BRPF1: variants seen among roughly 807,000 people sequenced by gnomAD.
BRPF1 encodes peregrin.
In BRPF1, 15 loss-of-function variants were observed where a neutral mutation model predicts 115.0. The ratio of observed to expected loss-of-function variants is 0.13; its 90% CI spans 0.09 to 0.20. The LOEUF (loss-of-function observed/expected upper bound fraction) is 0.20. Among genes scored for constraint, BRPF1 ranks in the 10% least tolerant of loss-of-function variants. The probability of loss-of-function intolerance (pLI) is 1.00; values close to 1 mark genes in which losing one functional copy is unlikely to be tolerated. For synonymous variants in BRPF1, 647 were observed against 619.8 expected (o/e 1.04, Z -0.65); for missense variants, 1,118 against 1,638.3 (o/e 0.68, Z 5.48).
rs762064114 is a variant in BRPF1 at position 9,747,229 on chromosome 3, G to A, written c.3543G>A (p.Lys1181=). The change falls in exon 14 of 14, where the codon AAG becomes AAA. Residue 1181 remains lysine (K), a synonymous_variant. Transcript: ENST00000383829. The surrounding 1 kb of genome is among the most constrained non-coding windows in gnomAD (Gnocchi z 5.6). ...LGVNQDLDKE[K]MLEGRKSNIR... ...TGAACCAGGACCTAGACAAGGAGAA[G>A]ATGCTGGAGGGCCGCAAGTCCAACA... is the stretch of plus-strand genomic sequence containing the variant. The A allele has an allele frequency of 3.1e-6, 5 of 1,614,190 alleles. No individual in the cohort carries two copies. Among genetic ancestry groups the A allele is most frequent in the South Asian group, 2.2e-5 (2 of 91,084 alleles).
rs746386494 is a variant in BRPF1 at position 9,745,783 on chromosome 3, TC to T, written c.3206-27del. On this transcript the variant is annotated intron_variant, in intron 11 of 13. Coordinates refer to ENST00000383829, the MANE Select transcript of BRPF1 (RefSeq NM_001003694.2). The surrounding 1 kb of genome is among the most constrained non-coding windows in gnomAD (Gnocchi z 5.1). Reference sequence around the variant, plus strand: ...GTCTCGCCAGCCCCCCAGCTGCTGATCCACCCCCTCTCCCCCATTCCTGTGA... The same window carrying T: ...GTCTCGCCAGCCCCCCAGCTGCTGATCACCCCCTCTCCCCCATTCCTGTGA... 6.2e-7 allele frequency: 1 copy of T among 1,611,274 alleles called. No individual in the cohort carries two copies. Among genetic ancestry groups the T allele is most frequent in the Non-Finnish European group, 8.5e-7 (1 of 1,177,716 alleles).
chr3:9,734,510 G>A lies in BRPF1; in HGVS notation c.370G>A (p.Glu124Lys). ...DNLDVVSEDE[E>K]APEEAPENGS... Reference sequence around the variant, plus strand: ...CCTGGATGTGGTGTCAGAGGATGAGGAAGCCCCCGAGGAGGCCCCTGAGAA... The same window carrying A: ...CCTGGATGTGGTGTCAGAGGATGAGAAAGCCCCCGAGGAGGCCCCTGAGAA... The change falls in exon 2 of 14, where the codon GAA becomes AAA. Residue 124 changes from glutamate to lysine, a missense_variant. Glu to Lys is a moderately conservative substitution (Grantham distance 56). This residue lies in a region of BRPF1 where 280 missense variants were observed against 382.8 expected (regional missense o/e 0.73). Transcript: ENST00000383829. The surrounding 1 kb of genome is among the most constrained non-coding windows in gnomAD (Gnocchi z 5.7). 1 of 1,614,110 alleles carries A rather than the reference G, an allele frequency of 6.2e-7. No individual in the cohort carries two copies. The highest frequency in any genetic ancestry group is 8.5e-7 in the Non-Finnish European group (1 of 1,180,006).
In BRPF1 at chr3:9,742,985, T is replaced by C. The variant is rs753904009; in HGVS notation, c.2043T>C (p.Phe681=). ...ACCACATCAAAAAGCCCATGGACTT[T>C]TTCACCATGAAGCAGAACTTGGAGG... ...YLDHIKKPMD[F]FTMKQNLEAY... Residue 681 remains phenylalanine (F), a synonymous_variant, in exon 7 of 14, where the codon TTT becomes TTC. Transcript: ENST00000383829. 32 of 1,614,040 alleles carry C rather than the reference T, an allele frequency of 2.0e-5. No homozygotes were observed. In the East Asian group the frequency reaches 6.5e-4, roughly 33 times the overall value.
At chr3:9,746,805 T>C (rs140844559) in intron 13 of BRPF1, among the ~76,000 whole-genome samples, 5 of 152,298 alleles carry the variant, frequency 3.3e-5, no homozygotes, top group Non-Finnish European at 7.3e-5. Context: ...ATTCAGGCTC[T>C]GAATCCCTGT....
At position 9,734,546 on chromosome 3, in the gene BRPF1, A is replaced by G. The variant is rs769319058; in HGVS notation, c.406A>G (p.Lys136Glu). 4.3e-6 allele frequency: 7 copies of G among 1,614,028 alleles called. No individual in the cohort carries two copies. Among genetic ancestry groups the G allele is most frequent in the Non-Finnish European group, 5.1e-6 (6 of 1,180,038 alleles). Reference sequence around the variant, plus strand: ...GGAGGCCCCTGAGAATGGCAGCAACAAGGAGAACACTGAGACACCAGCTGC... The same window carrying G: ...GGAGGCCCCTGAGAATGGCAGCAACGAGGAGAACACTGAGACACCAGCTGC... The part of the protein sequence containing the change: ...PEEAPENGSN[K>E]ENTETPAATP... The change falls in exon 2 of 14, where the codon AAG (lysine) becomes GAG (glutamate). Residue 136 changes from lysine to glutamate, a missense_variant. Lys to Glu is a moderately conservative substitution (Grantham distance 56, BLOSUM62 1). Transcript: ENST00000383829. This position sits in a 1 kb window ranked among gnomAD's most constrained non-coding sequence, Gnocchi z 5.7.
Position 9,739,755 on chromosome 3 carries a change from A to G in BRPF1, c.1356A>G (p.Ser452=). Residue 452 remains serine, a synonymous_variant, in exon 3 of 14, where the codon TCA becomes TCG. Coordinates refer to ENST00000383829, the MANE Select transcript of BRPF1 (RefSeq NM_001003694.2). ...AYCDIHTPPG[S]ARRLPALSHS... ...GCGACATCCACACGCCTCCAGGTTC[A>G]GCACGCCGACTGCCTGCCCTGTCCC... 2.5e-6 allele frequency: 4 copies of G among 1,614,208 alleles called. No homozygotes were observed. The highest frequency in any genetic ancestry group is 3.4e-6 in the Non-Finnish European group (4 of 1,180,010).
intron 6 of BRPF1, 44 bp downstream of exon 6, chr3:9,742,215 C>G: frequency 6.2e-7 from 1 of 1,604,648 alleles, no homozygotes; most frequent in East Asian, 2.2e-5. Context: ...CTGTTCCTCT[C>G]CCAGTTGGAC....
In BRPF1 at chr3:9,745,206, T is replaced by C. The variant is rs556554838; in HGVS notation, c.3068+51T>C. 6.3e-7 allele frequency: 1 copy of C among 1,585,622 alleles called. No individual in the cohort carries two copies. Among genetic ancestry groups the C allele is most frequent in the African/African-American group, 1.4e-5 (1 of 73,566 alleles). On this transcript the variant is annotated intron_variant, in intron 10 of 13. Transcript: ENST00000383829. The surrounding 1 kb of genome is among the most constrained non-coding windows in gnomAD (Gnocchi z 5.1). ...ACCTCAGGGGATGCCCTTCCAGGGC[T>C]CTTGGGCCTGTGTAGGTTTCCCTGT...
chr3:9,741,652 A>G (rs957149922), intron 5 of BRPF1, among the ~76,000 whole-genome samples: 1 of 151,876 alleles, frequency 6.6e-6, no homozygotes, highest in African/African-American at 2.4e-5. Flanking sequence ...AAAAAAAAAA[A>G]AAAAGACCCA....
intron 3 of BRPF1, among the ~76,000 whole-genome samples, chr3:9,740,550 A>C (rs751157122): frequency 2.6e-5 from 4 of 152,150 alleles, no homozygotes; most frequent in Non-Finnish European, 4.4e-5. Flanking sequence ...TTGCTGGTGT[A>C]CAGGGTTAGG....
chr3:9,733,902 A>G (rs974118670), intron 1 of BRPF1, among the ~76,000 whole-genome samples: 1 of 152,164 alleles, frequency 6.6e-6, no homozygotes, highest in Admixed American at 6.5e-5. Flanking sequence ...ACATGATGTG[A>G]GATTGGGCTA....
chr3:9,744,041 G>T, intron 8 of BRPF1, 140 bp downstream of exon 8: 1 of 1,296,900 alleles, frequency 7.7e-7, no homozygotes, highest in South Asian at 1.5e-5. Flanking sequence ...CCAATCAGGG[G>T]CCTCTTAGCT....
At chr3:9,738,397 T>C (rs2076976186) in intron 2 of BRPF1, among the ~76,000 whole-genome samples, 1 of 152,232 alleles carries the variant, frequency 6.6e-6, no homozygotes, top group Admixed American at 6.5e-5. Context: ...CAGTAAACCT[T>C]AGCTATTATA....
At chr3:9,742,447 G>A (rs1054019860) in intron 6 of BRPF1, 2 of 985,452 alleles carry the variant, frequency 2.0e-6, no homozygotes, top group Non-Finnish European at 2.4e-6. Flanking sequence ...CTTTCGGGGT[G>A]CTGAACCCTA....
In BRPF1 at chr3:9,747,250, C is replaced by T. The variant is rs1345262225; in HGVS notation, c.3564C>T (p.Ser1188=). The T allele has an allele frequency of 1.2e-6, 2 of 1,614,066 alleles. No individual in the cohort carries two copies. The highest frequency in any genetic ancestry group is 1.1e-5 in the South Asian group (1 of 91,088). ...AGAAGATGCTGGAGGGCCGCAAGTC[C>T]AACATCCGCAAGTCAGTACAGATCG... is the stretch of plus-strand genomic sequence containing the variant. ...DKEKMLEGRK[S]NIRKSVQIAY... is the part of the protein sequence containing the mutation. Residue 1188 remains serine (S), a synonymous_variant, in exon 14 of 14, where the codon TCC becomes TCT. Transcript: ENST00000383829. This position sits in a 1 kb window ranked among gnomAD's most constrained non-coding sequence, Gnocchi z 5.6.
rs149982812 is a variant in BRPF1 at position 9,737,609 on chromosome 3, G to C, written c.600-1390G>C. Among the ~76,000 whole-genome samples the C allele has an allele frequency of 1.7e-3, 255 of 152,324 alleles. 1 individual carries two copies. Among genetic ancestry groups the C allele is most frequent in the Non-Finnish European group, 2.9e-3 (197 of 68,034 alleles). On this transcript the variant is annotated intron_variant, in intron 2 of 13. Coordinates refer to ENST00000383829, the MANE Select transcript of BRPF1 (RefSeq NM_001003694.2). ...ATTTCCCACATAAGAGGAGAAACGA[G>C]CTAATGTTTTTCTAGGGCCTGCTGT... is the stretch of plus-strand genomic sequence containing the variant.
In BRPF1 at chr3:9,734,654, A is replaced by G; in HGVS notation, c.514A>G (p.Thr172Ala). Residue 172 changes from threonine (T) to alanine (A), a missense_variant, in exon 2 of 14, where the codon ACC (threonine) becomes GCC (alanine). By Grantham distance (58) the Thr-to-Ala change is moderately conservative (BLOSUM62 0). Transcript: ENST00000383829. The surrounding 1 kb of genome is among the most constrained non-coding windows in gnomAD (Gnocchi z 5.7). ...CCACCACCACAATGTTTCTGCGAGC[A>G]CCACTCCCAAGCTGCCAGAGGTGGT... Reference protein sequence around the residue: ...HHHHHNVSASTTPKLPEVVYR... With the variant: ...HHHHHNVSASATPKLPEVVYR... 1 of 1,614,122 alleles carries G rather than the reference A, an allele frequency of 6.2e-7. No homozygotes were observed. Among genetic ancestry groups the G allele is most frequent in the Non-Finnish European group, 8.5e-7 (1 of 1,180,028 alleles).
At position 9,734,235 on chromosome 3, in the gene BRPF1, A is replaced by G; in HGVS notation, c.95A>G (p.Tyr32Cys). The change falls in exon 2 of 14, where the codon TAC becomes TGC. Residue 32 changes from tyrosine to cysteine, a missense_variant. By Grantham distance (194) the Tyr-to-Cys change is radical. Transcript: ENST00000383829. This position sits in a 1 kb window ranked among gnomAD's most constrained non-coding sequence, Gnocchi z 5.7. ...ECPVETCRKV[Y>C]KSYSGIEYHL... ...CCGGTGGAGACCTGCCGAAAGGTCTACAAGAGTTACAGTGGTATTGAGTAC... is the reference window on the plus strand; with the variant it reads ...CCGGTGGAGACCTGCCGAAAGGTCTGCAAGAGTTACAGTGGTATTGAGTAC... The G allele has an allele frequency of 6.2e-7, 1 of 1,614,174 alleles. No individual in the cohort carries two copies.
Position 9,743,006 on chromosome 3 carries a change from G to A in BRPF1, c.2064G>A (p.Leu688=). 1.2e-6 allele frequency: 2 copies of A among 1,614,180 alleles called. No homozygotes were observed. Among genetic ancestry groups the A allele is most frequent in the Non-Finnish European group, 1.7e-6 (2 of 1,180,038 alleles). ...PMDFFTMKQN[L]EAYRYLNFDD... ...ACTTTTTCACCATGAAGCAGAACTT[G>A]GAGGCTTACCGCTACCTGAATTTTG... Residue 688 remains leucine (L), a synonymous_variant, in exon 7 of 14, where the codon TTG becomes TTA. Transcript: ENST00000383829. This position sits in a 1 kb window ranked among gnomAD's most constrained non-coding sequence, Gnocchi z 6.1.
Sources: gnomAD v4.1 joint callset for allele counts (sites outside exome capture counted in the v4.1 genomes callset) on GRCh38, gnomAD v4.1.1 for gene constraint, gnomAD v4.1.1 regional missense constraint, Gnocchi (gnomAD v3.1) non-coding constraint, MANE v1.5 for transcripts, NCBI Gene and HGNC (gene_info 2026-07-23, HGNC 2026-07-21) for gene names.